XDH: variants seen among roughly 807,000 people sequenced by gnomAD.
The protein encoded by XDH is xanthine dehydrogenase/oxidase.
A neutral mutation model predicts 156.1 loss-of-function variants in XDH; 138 were observed. That is an observed-to-expected ratio of 0.88 (90% CI 0.77 to 1.02). The LOEUF (loss-of-function observed/expected upper bound fraction) is 1.02. Among genes scored for constraint, XDH ranks in the 50% least tolerant of loss-of-function variants. The pLI, the probability that XDH is intolerant of heterozygous loss-of-function variation, is 0.00. For synonymous variants in XDH, 669 were observed against 625.7 expected (o/e 1.07, Z -1.03); for missense variants, 1,849 against 1,684.9 (o/e 1.10, Z -1.71).
chr2:31,336,300 T>C (rs946528983), intron 35 of XDH, among the ~76,000 whole-genome samples: 2 of 152,232 alleles, frequency 1.3e-5, no homozygotes, highest in East Asian at 1.9e-4. Flanking sequence ...AAAAAGTTCA[T>C]AGAATCAGCT....
chr2:31,384,086 T>G, intron 9 of XDH: 1 of 497,796 alleles, frequency 2.0e-6, no homozygotes, highest in East Asian at 3.9e-5. Flanking sequence ...AAAACCTACC[T>G]GAATTCAAAT....
At chr2:31,349,253 T>A (rs1231058154) in intron 26 of XDH, among the ~76,000 whole-genome samples, 1 of 152,140 alleles carries the variant, frequency 6.6e-6, no homozygotes, top group Non-Finnish European at 1.5e-5. Context: ...TCTCTGTGCT[T>A]TATATTTAAT....
intron 1 of XDH, among the ~76,000 whole-genome samples, chr2:31,407,327 C>T (rs1024908978): frequency 2.0e-5 from 3 of 152,178 alleles, no homozygotes; most frequent in East Asian, 1.9e-4. Flanking sequence ...TTGGTATACA[C>T]TCCCGGAGCT....
At chr2:31,355,776 C>T (rs1011025926) in intron 24 of XDH, among the ~76,000 whole-genome samples, 3 of 152,136 alleles carry the variant, frequency 2.0e-5, no homozygotes, top group South Asian at 2.1e-4. Flanking sequence ...TGCCTCAACA[C>T]ATCAATCATT....
In XDH at chr2:31,373,882, C is replaced by G. The variant is rs183162063; in HGVS notation, c.1677G>C (p.Gln559His). The G allele has an allele frequency of 3.7e-6, 6 of 1,613,684 alleles. 1 individual carries two copies. The Admixed American group carries it at 5.0e-5, about 13-fold the overall frequency. ...LFQKDPPADVQLFQEVPKGQS... is the reference protein window; with the variant it reads ...LFQKDPPADVHLFQEVPKGQS... ...CACTGACCGTACTCACTTGGAAGAG[C>G]TGGACATCGGCTGGGGGGTCTTTCT... is the stretch of plus-strand genomic sequence containing the variant. The change falls in exon 16 of 36, where the codon CAG becomes CAC. Residue 559 changes from glutamine to histidine, a missense_variant. Physicochemically the swap from Gln to His is conservative, Grantham distance 24. Transcript: ENST00000379416.
chr2:31,404,961 G>A (rs751059195), intron 2 of XDH, among the ~76,000 whole-genome samples: 20 of 152,180 alleles, frequency 1.3e-4, no homozygotes, highest in African/African-American at 3.1e-4. Context: ...AGACACCCCC[G>A]CTAGGAGAAG....
chr2:31,348,119 GA>G, intron 28 of XDH, 148 bp downstream of exon 28: 7 of 824,152 alleles, frequency 8.5e-6, no homozygotes, highest in Non-Finnish European at 1.0e-5. Flanking sequence ...TCAAGTGGGG[GA>G]AAAGACTTGC....
intron 19 of XDH, 126 bp downstream of exon 19, chr2:31,368,415 G>C (rs1178701192): frequency 2.4e-6 from 3 of 1,257,714 alleles, no homozygotes; most frequent in Non-Finnish European, 3.4e-6. Flanking sequence ...AGGGTTGAAA[G>C]GGATTTAAAA....
intron 24 of XDH, among the ~76,000 whole-genome samples, chr2:31,351,624 T>C (rs1297752930): frequency 6.6e-6 from 1 of 152,248 alleles, no homozygotes; most frequent in Non-Finnish European, 1.5e-5. Context: ...CTTTCCCTTT[T>C]TAAATTTTAC....
In XDH at chr2:31,368,648, C is replaced by CTAGT; in HGVS notation, c.1992_1993insACTA (p.Gly665ThrfsTer11). The CTAGT allele has an allele frequency of 1.9e-6, 3 of 1,614,190 alleles. No individual in the cohort carries two copies. Among genetic ancestry groups the CTAGT allele is most frequent in the Non-Finnish European group, 2.5e-6 (3 of 1,180,034 alleles). On this transcript the variant is annotated frameshift_variant, in exon 19 of 36. Transcript: ENST00000379416. LOFTEE classifies it high-confidence loss of function. ...GCAACCACAGCACCAATGATATGCC[C>CTAGT]AACACAAGTAACCTAGTAGCAGAGA... is the stretch of plus-strand genomic sequence containing the variant.
At chr2:31,366,377 G>C (rs546605373) in intron 21 of XDH, among the ~76,000 whole-genome samples, 1 of 152,296 alleles carries the variant, frequency 6.6e-6, no homozygotes, top group African/African-American at 2.4e-5. Flanking sequence ...GCGACTGGTA[G>C]ATCATGAGAG....
intron 20 of XDH, among the ~76,000 whole-genome samples, chr2:31,367,644 C>T (rs531296189): frequency 5.5e-4 from 83 of 152,020 alleles, no homozygotes; most frequent in Non-Finnish European, 6.5e-4. Context: ...AGAATTTATG[C>T]GGTTAGAGGC....
chr2:31,413,412 A>G (rs1294872230), intron 1 of XDH, among the ~76,000 whole-genome samples: 1 of 152,188 alleles, frequency 6.6e-6, no homozygotes, highest in Non-Finnish European at 1.5e-5. Flanking sequence ...CTCAGAGAGG[A>G]AACTCTGAAC....
chr2:31,379,728 A>G, intron 13 of XDH, 139 bp downstream of exon 13: 1 of 893,338 alleles, frequency 1.1e-6, no homozygotes, highest in South Asian at 1.3e-5. Context: ...AACAGAGGCA[A>G]AGTTCAGAGA....
chr2:31,353,622 A>G (rs1451345141), intron 24 of XDH, among the ~76,000 whole-genome samples: 1 of 152,198 alleles, frequency 6.6e-6, no homozygotes, highest in Non-Finnish European at 1.5e-5. Context: ...CAATCCAGAA[A>G]TGCCAATGAT....
chr2:31,387,921 G>A (rs1686655646), intron 7 of XDH, 24 bp from the exon 8 acceptor site: 2 of 1,560,796 alleles, frequency 1.3e-6, no homozygotes, highest in Admixed American at 1.9e-5. Context: ...GAACAGGTAG[G>A]TGATGCAGTA....
chr2:31,406,930 A>G (rs757705731), intron 1 of XDH, among the ~76,000 whole-genome samples: 1 of 152,250 alleles, frequency 6.6e-6, no homozygotes, highest in Non-Finnish European at 1.5e-5. Flanking sequence ...ACTAGGTTCA[A>G]TAAGGTGGAA....
chr2:31,359,326 T>C (rs1685711973), intron 24 of XDH, among the ~76,000 whole-genome samples: 1 of 151,944 alleles, frequency 6.6e-6, no homozygotes, highest in Non-Finnish European at 1.5e-5. Context: ...AAATTCAGCA[T>C]TAACTGCCAA....
chr2:31,411,373 T>C (rs1038005546), intron 1 of XDH, among the ~76,000 whole-genome samples: 8 of 151,578 alleles, frequency 5.3e-5, no homozygotes, highest in African/African-American at 1.9e-4. Flanking sequence ...GGTTCAGAAA[T>C]CTATCTTATA....
Sources: gnomAD v4.1 joint callset for allele counts (sites outside exome capture counted in the v4.1 genomes callset) on GRCh38, gnomAD v4.1.1 for gene constraint, MANE v1.5 for transcripts, NCBI Gene and HGNC (gene_info 2026-07-23, HGNC 2026-07-21) for gene names.